ATP6V0A4: variants seen among roughly 807,000 people sequenced by gnomAD.
ATP6V0A4 encodes V-type proton ATPase 116 kDa subunit a 4.
A neutral mutation model predicts 107.3 loss-of-function variants in ATP6V0A4; 86 were observed. The ratio of observed to expected loss-of-function variants is 0.80; its 90% CI spans 0.67 to 0.96. ATP6V0A4 has a LOEUF of 0.96. Among genes scored for constraint, ATP6V0A4 ranks in the 40% least tolerant of loss-of-function variants. ATP6V0A4 has a pLI of 0.00. For missense variants in ATP6V0A4, 908 were observed against 1,045.6 expected (o/e 0.87, Z 1.81); for synonymous variants, 353 against 381.4 (o/e 0.93, Z 0.87).
intron 7 of ATP6V0A4, 52 bp from the exon 8 acceptor site, chr7:138,759,930 G>T: frequency 6.2e-7 from 1 of 1,613,122 alleles, no homozygotes; most frequent in Non-Finnish European, 8.5e-7. Context: ...TTGGGATGCA[G>T]AGAGAAGGCC....
At chr7:138,733,869 C>T (rs1805164381) in intron 16 of ATP6V0A4, among the ~76,000 whole-genome samples, 1 of 152,140 alleles carries the variant, frequency 6.6e-6, no homozygotes, top group Non-Finnish European at 1.5e-5. Context: ...AGACACCGCA[C>T]CTGGCCTCCA....
chr7:138,788,004 A>C (rs920756097), intron 1 of ATP6V0A4, among the ~76,000 whole-genome samples: 1 of 152,110 alleles, frequency 6.6e-6, no homozygotes, highest in Admixed American at 6.6e-5. Flanking sequence ...TGTCTTAAAA[A>C]CGGAAAAAGA....
intron 19 of ATP6V0A4, among the ~76,000 whole-genome samples, chr7:138,716,574 T>G (rs1388593731): frequency 1.1e-4 from 10 of 94,776 alleles, no homozygotes; most frequent in African/African-American, 3.4e-4. Flanking sequence ...CAATTTTTTT[T>G]TGGGGGGGGG....
chr7:138,738,699 A>G (rs549253272), intron 15 of ATP6V0A4, among the ~76,000 whole-genome samples: 11 of 152,318 alleles, frequency 7.2e-5, no homozygotes, highest in African/African-American at 2.2e-4. Context: ...CGATAGCGGA[A>G]TGACACAGGA....
Position 138,706,322 on chromosome 7 carries a change from A to C in ATP6V0A4, c.*302T>G, listed in dbSNP as rs541310420. On this transcript the variant is annotated 3_prime_UTR_variant, in exon 22 of 22. Transcript: ENST00000310018. ...ATGACTCAGATGTTTATTTTCTCAA[A>C]TACAATATTTAAAATATTGCAAGAA... 3.2e-4 allele frequency: 121 copies of C among 378,212 alleles called. No individual in the cohort carries two copies. The highest frequency in any genetic ancestry group is 2.9e-3 in the South Asian group (113 of 38,542). 23.4% of individuals were successfully genotyped at this position (378,212 alleles called of 1,614,324 possible).
intron 18 of ATP6V0A4, 130 bp downstream of exon 18, chr7:138,728,631 G>A (rs917058155): frequency 4.1e-6 from 5 of 1,233,450 alleles, no homozygotes; most frequent in South Asian, 1.2e-5. Context: ...TACTCAGGGC[G>A]GGTCAGTTCC....
intron 15 of ATP6V0A4, among the ~76,000 whole-genome samples, chr7:138,736,404 A>T (rs968388456): frequency 2.6e-5 from 4 of 152,200 alleles, no homozygotes; most frequent in African/African-American, 9.6e-5. Context: ...TCATAACCTC[A>T]GGAAGATTAA....
chr7:138,742,997 G>A (rs1319537283), intron 14 of ATP6V0A4, among the ~76,000 whole-genome samples: 1 of 150,798 alleles, frequency 6.6e-6, no homozygotes, highest in Non-Finnish European at 1.5e-5. Context: ...CTATATTTAA[G>A]GTGGGGAATC....
At chr7:138,707,807 T>C (rs10254335) in intron 21 of ATP6V0A4, among the ~76,000 whole-genome samples, 67,371 of 149,884 alleles carry the variant, frequency 0.45, 15,266 homozygotes, top group Admixed American at 0.53. Context: ...GGGCTCATGG[T>C]CACAGCATAA....
chr7:138,733,989 T>G (rs1805170941), intron 16 of ATP6V0A4, 147 bp downstream of exon 16: 2 of 888,346 alleles, frequency 2.3e-6, no homozygotes, highest in Non-Finnish European at 3.5e-6. Context: ...CCAGCTTGTC[T>G]TGGCTCAAGC....
intron 19 of ATP6V0A4, among the ~76,000 whole-genome samples, chr7:138,721,080 G>A (rs2117210375): frequency 1.3e-5 from 2 of 152,330 alleles, no homozygotes; most frequent in Middle Eastern, 6.8e-3. Flanking sequence ...ATTCACAAAT[G>A]TGGCTGACTT....
chr7:138,766,084 A>G (rs1807070811), intron 5 of ATP6V0A4, among the ~76,000 whole-genome samples: 4 of 151,964 alleles, frequency 2.6e-5, no homozygotes, highest in Admixed American at 1.3e-4. Flanking sequence ...TTTACAGCAA[A>G]TAACATTCAG....
At chr7:138,797,774 G>A (rs1169215900) in intron 1 of ATP6V0A4, among the ~76,000 whole-genome samples, 2 of 152,086 alleles carry the variant, frequency 1.3e-5, no homozygotes, top group African/African-American at 4.8e-5. Flanking sequence ...CATGTCCCAG[G>A]AACCAGCATG....
At chr7:138,782,030 C>G (rs1202956016) in intron 2 of ATP6V0A4, among the ~76,000 whole-genome samples, 15 of 152,216 alleles carry the variant, frequency 9.9e-5, no homozygotes, top group African/African-American at 3.4e-4. Context: ...CATTGGACAA[C>G]CACTAGCCTG....
chr7:138,755,683 A>C lies in ATP6V0A4; in HGVS notation c.816+6T>G. 6.2e-7 allele frequency: 1 copy of C among 1,613,592 alleles called. No individual in the cohort carries two copies. Among genetic ancestry groups the C allele is most frequent in the Non-Finnish European group, 8.5e-7 (1 of 1,180,000 alleles). ...ATCAGACCATGCGCCCAAACCCCTC[A>C]CTCACGGTGATTAAATCTTCCAGCC... On this transcript the variant is annotated splice_donor_region_variant and intron_variant, in intron 10 of 21. Coordinates refer to ENST00000310018, the MANE Select transcript of ATP6V0A4 (RefSeq NM_020632.3).
At chr7:138,720,874 T>C (rs981467768) in intron 19 of ATP6V0A4, among the ~76,000 whole-genome samples, 1 of 152,140 alleles carries the variant, frequency 6.6e-6, no homozygotes. Context: ...TAACCTCAAG[T>C]GATCCGCCCG....
At chr7:138,795,336 T>A (rs1563026562) in intron 1 of ATP6V0A4, among the ~76,000 whole-genome samples, 1 of 151,912 alleles carries the variant, frequency 6.6e-6, no homozygotes, top group Non-Finnish European at 1.5e-5. Context: ...CAACACATTA[T>A]CCCCCTCCTC....
chr7:138,776,728 G>C (rs1807674736), intron 2 of ATP6V0A4, among the ~76,000 whole-genome samples: 1 of 152,214 alleles, frequency 6.6e-6, no homozygotes. Context: ...AAGAGCAGAG[G>C]CTCCAGCCCA....
intron 8 of ATP6V0A4, among the ~76,000 whole-genome samples, chr7:138,757,123 CA>C (rs1806549887): frequency 6.6e-6 from 1 of 152,200 alleles, no homozygotes; most frequent in African/African-American, 2.4e-5. Context: ...GTTCCACAAG[CA>C]GACATGCAAA....
Sources: allele counts gnomAD v4.1 joint callset (sites outside exome capture counted in the v4.1 genomes callset), GRCh38; gene constraint gnomAD v4.1.1; transcripts MANE v1.5; gene names NCBI Gene and HGNC (gene_info 2026-07-23, HGNC 2026-07-21).